The following CNIH3 variants were observed in gnomAD, a reference collection of about 807,000 sequenced individuals.
CNIH3 encodes protein cornichon homolog 3.
In CNIH3, 14 loss-of-function variants were observed where a neutral mutation model predicts 24.1. The ratio of observed to expected loss-of-function variants is 0.58; its 90% confidence interval spans 0.38 to 0.91. CNIH3 has a LOEUF of 0.91. Ranked by LOEUF, CNIH3 falls within the 40% of genes least tolerant of loss-of-function variation. The pLI is 0.00. For synonymous variants in CNIH3, 68 were observed against 73.8 expected (o/e 0.92, Z 0.40); for missense variants, 178 against 196.8 (o/e 0.90, Z 0.57).
Position 224,704,035 on chromosome 1 carries a change from C to T in CNIH3, c.198+19192C>T, listed in dbSNP as rs1032471216. ...TTCTGTAATACATCTCTCAGAGGTG[C>T]GCCTTTGGTGGAGTGAGAACATGAA... On this transcript the variant is annotated intron_variant, in intron 3 of 5. Transcript: ENST00000272133. The surrounding 1 kb of genome is among the most constrained non-coding windows in gnomAD (Gnocchi z 4.2). Among the ~76,000 whole-genome samples the T allele has an allele frequency of 2.7e-5, 4 of 149,614 alleles. No individual in the cohort carries two copies. Among genetic ancestry groups the T allele is most frequent in the Non-Finnish European group, 5.9e-5 (4 of 68,022 alleles).
At chr1:224,675,110 C>T (rs902535640) in intron 1 of CNIH3, among the ~76,000 whole-genome samples, 9 of 152,112 alleles carry the variant, frequency 5.9e-5, no homozygotes, top group African/African-American at 2.2e-4. Flanking sequence ...ATCACTTAAA[C>T]CTCCATCTCA....
At chr1:224,551,760 G>C (rs1679930322) in intron 3 of CNIH3, among the ~76,000 whole-genome samples, 1 of 151,116 alleles carries the variant, frequency 6.6e-6, no homozygotes, top group Admixed American at 6.6e-5. Flanking sequence ...GGTGTACACA[G>C]AGGGAGTACA....
In CNIH3 at chr1:224,739,644, A is replaced by G; in HGVS notation, c.*288A>G. On this transcript the variant is annotated 3_prime_UTR_variant, in exon 6 of 6. Transcript: ENST00000272133. The stretch of plus-strand genomic sequence containing the variant: ...GTGGGGGAGTAGGTGACGAAACACT[A>G]GACCTCTCCTGAGAGAGAATTGCTG... The G allele has an allele frequency of 2.0e-6, 1 of 512,192 alleles. No homozygotes were observed. Among genetic ancestry groups the G allele is most frequent in the South Asian group, 3.1e-5 (1 of 32,588 alleles). 31.7% of individuals were successfully genotyped at this position (512,192 alleles called of 1,614,324 possible). A position where few individuals can be genotyped will look rare whatever the true frequency, so the allele number is the denominator to read the frequency against.
At chr1:224,592,475 T>C (rs1681800327), downstream of CNIH3, among the ~76,000 whole-genome samples, 1 of 152,156 alleles carries the variant, frequency 6.6e-6, no homozygotes, top group South Asian at 2.1e-4. Flanking sequence ...AGCTGTAGGG[T>C]TAAACTTAGT....
intron 1 of CNIH3, among the ~76,000 whole-genome samples, chr1:224,500,459 C>T (rs1005890812): frequency 1.3e-5 from 2 of 152,124 alleles, no homozygotes; most frequent in Non-Finnish European, 2.9e-5. Flanking sequence ...ATAGCTTGAA[C>T]TCAGGAGTTG....
chr1:224,573,126 T>A (rs1680891614), intron 4 of CNIH3, among the ~76,000 whole-genome samples: 1 of 152,216 alleles, frequency 6.6e-6, no homozygotes, highest in Admixed American at 6.5e-5. Context: ...CAGCATCGTT[T>A]TGTATTTTAG....
At chr1:224,496,398 C>A (rs979854078) in intron 1 of CNIH3, among the ~76,000 whole-genome samples, 1 of 152,150 alleles carries the variant, frequency 6.6e-6, no homozygotes, top group Non-Finnish European at 1.5e-5. Flanking sequence ...TGATGACACC[C>A]CTTCTGCTAC....
At chr1:224,623,692 A>C (rs893580030) in intron 1 of CNIH3, among the ~76,000 whole-genome samples, 12 of 152,066 alleles carry the variant, frequency 7.9e-5, no homozygotes, top group African/African-American at 2.7e-4. Flanking sequence ...AATTCTGATT[A>C]ATGATTTATT....
At position 224,643,136 on chromosome 1, in the gene CNIH3, G is replaced by A. The variant is rs999699993; in HGVS notation, c.81+25881G>A. On this transcript the variant is annotated intron_variant, in intron 1 of 5. Coordinates refer to ENST00000272133, the MANE Select transcript of CNIH3 (RefSeq NM_152495.2). ...GTGTATGCACTTTGGTATTCACTTT[G>A]TATTCCTGTCCTCAAATGCACCTGC... 7.9e-5 allele frequency among the ~76,000 whole-genome samples: 12 copies of A among 152,170 alleles called. 1 individual carries two copies. Among genetic ancestry groups the A allele is most frequent in the African/African-American group, 2.9e-4 (12 of 41,438 alleles).
intron 1 of CNIH3, among the ~76,000 whole-genome samples, chr1:224,483,898 C>T (rs987396119): frequency 3.3e-5 from 5 of 151,986 alleles, no homozygotes; most frequent in South Asian, 2.1e-4. Flanking sequence ...TGGCTGGGTG[C>T]GTTGGCTCAC....
At chr1:224,541,156 T>C (rs1010321061), downstream of CNIH3, among the ~76,000 whole-genome samples, 1 of 152,242 alleles carries the variant, frequency 6.6e-6, no homozygotes, top group Non-Finnish European at 1.5e-5. Flanking sequence ...GTTTTCATTT[T>C]TACTAAATGG....
At chr1:224,678,684 A>G (rs1486602029) in intron 1 of CNIH3, among the ~76,000 whole-genome samples, 1 of 152,010 alleles carries the variant, frequency 6.6e-6, no homozygotes, top group Non-Finnish European at 1.5e-5. Flanking sequence ...GTCTGATAGC[A>G]CTTTCTGTGG....
At chr1:224,628,076 A>G (rs765220281) in intron 1 of CNIH3, among the ~76,000 whole-genome samples, 5 of 151,560 alleles carry the variant, frequency 3.3e-5, no homozygotes, top group Non-Finnish European at 5.9e-5. Context: ...TTCAGACTCT[A>G]TTGTTTAATA....
intron 1 of CNIH3, among the ~76,000 whole-genome samples, chr1:224,655,030 C>G (rs544837877): frequency 3.3e-5 from 5 of 152,048 alleles, no homozygotes; most frequent in Non-Finnish European, 7.3e-5. Context: ...AATGAAGGGA[C>G]TATTTACAGA....
At chr1:224,447,130 A>T (rs992198001) in intron 1 of CNIH3, among the ~76,000 whole-genome samples, 1 of 152,144 alleles carries the variant, frequency 6.6e-6, no homozygotes, top group African/African-American at 2.4e-5. Context: ...GGCTCACTGG[A>T]TTCTGGAGGC....
At chr1:224,734,509 G>C (rs1689494759) in intron 4 of CNIH3, 54 bp from the exon 5 acceptor site, 1 of 1,596,214 alleles carries the variant, frequency 6.3e-7, no homozygotes, top group African/African-American at 1.3e-5. Flanking sequence ...GTTTGCCCAG[G>C]TTACGCCAGA....
chr1:224,499,659 T>A (rs540474802), intron 1 of CNIH3, among the ~76,000 whole-genome samples: 1 of 152,348 alleles, frequency 6.6e-6, no homozygotes. Flanking sequence ...TAGTTTCAAT[T>A]TTTTATAACT....
intron 4 of CNIH3, among the ~76,000 whole-genome samples, chr1:224,573,175 A>G (rs1242804581): frequency 6.6e-6 from 1 of 152,196 alleles, no homozygotes; most frequent in Non-Finnish European, 1.5e-5. Flanking sequence ...AGTCAGTCTC[A>G]TCAAAGATTT....
At chr1:224,632,618 G>A (rs900068346) in intron 1 of CNIH3, among the ~76,000 whole-genome samples, 3 of 152,112 alleles carry the variant, frequency 2.0e-5, no homozygotes, top group African/African-American at 7.2e-5. Flanking sequence ...GCGGGGTGGG[G>A]TGGTGAGGAG....
Sources: gnomAD v4.1 joint callset for allele counts (sites outside exome capture counted in the v4.1 genomes callset) on GRCh38, gnomAD v4.1.1 for gene constraint, Gnocchi (gnomAD v3.1) non-coding constraint, MANE v1.5 for transcripts, NCBI Gene and HGNC (gene_info 2026-07-23, HGNC 2026-07-21) for gene names.